The following TANC2 variants were observed in gnomAD, a reference collection of about 807,000 sequenced individuals.
TANC2 encodes tetratricopeptide repeat, ankyrin repeat and coiled-coil containing 2, also known as protein TANC2.
TANC2 carries 26 observed loss-of-function variants against 210.5 expected under a neutral mutation model. The observed-to-expected ratio is 0.12, with a 90% CI of 0.09 to 0.17. The LOEUF (loss-of-function observed/expected upper bound fraction) is 0.17. Among genes scored for constraint, TANC2 ranks in the 10% least tolerant of loss-of-function variants. The pLI, the probability that TANC2 is intolerant of heterozygous loss-of-function variation, is 1.00. For synonymous variants in TANC2, 931 were observed against 967.1 expected, an observed-to-expected ratio of 0.96 and a Z score of 0.69; for missense variants, 2,129 against 2,608.9, an observed-to-expected ratio of 0.82 and a Z score of 4.01.
At chr17:63,041,373 A>G (rs1274594759) in intron 2 of TANC2, among the ~76,000 whole-genome samples, 2 of 152,130 alleles carry the variant, frequency 1.3e-5, no homozygotes, top group Non-Finnish European at 1.5e-5. Context: ...GGAATGTTGC[A>G]GATGAAACAA....
chr17:63,405,336 C>A, intron 20 of TANC2, 81 bp downstream of exon 20: 1 of 1,414,946 alleles, frequency 7.1e-7, no homozygotes, highest in East Asian at 2.5e-5. Flanking sequence ...GCAAAATGAT[C>A]ACAAGTAAAG....
intron 2 of TANC2, among the ~76,000 whole-genome samples, chr17:63,062,949 G>A (rs1294988603): frequency 6.6e-6 from 1 of 152,132 alleles, no homozygotes; most frequent in East Asian, 1.9e-4. Context: ...AATCCCATTG[G>A]TTAAGGGCTC....
rs776732230 is a variant in TANC2 at position 63,009,655 on chromosome 17, G to A, written c.67+29G>A. 40 of 1,593,268 alleles carry A rather than the reference G, an allele frequency of 2.5e-5. No individual in the cohort carries two copies. The Admixed American group carries it at 3.2e-4, about 13-fold the overall frequency. On this transcript the variant is annotated intron_variant, in intron 2 of 27. Coordinates refer to ENST00000689528, the Ensembl canonical transcript of TANC2. The stretch of plus-strand genomic sequence containing the variant: ...AGTGACTATGCTACATTTATTGTGC[G>A]TGATATTTTACAAATACAAGTTCTT...
At chr17:63,150,833 G>A (rs930156897) in intron 4 of TANC2, 1 of 152,102 alleles carries the variant, frequency 6.6e-6, no homozygotes, top group African/African-American at 2.4e-5. Context: ...TTGAAACATA[G>A]TCCTGTGCTT....
intron 8 of TANC2, among the ~76,000 whole-genome samples, chr17:63,243,224 T>C (rs1255509808): frequency 6.6e-6 from 1 of 152,196 alleles, no homozygotes; most frequent in Non-Finnish European, 1.5e-5. Flanking sequence ...AATGCTGCAA[T>C]TGAAATTATA....
rs544569923 is a variant in TANC2, at chr17:63,000,045, CAAAG to C, written c.-23-9487_-23-9484del. Among the ~76,000 whole-genome samples the C allele has an allele frequency of 3.2e-3, 487 of 152,142 alleles. 3 individuals carry two copies. Among genetic ancestry groups the C allele is most frequent in the Non-Finnish European group, 5.7e-3 (390 of 68,010 alleles). On this transcript the variant is annotated intron_variant, in intron 1 of 27. Coordinates refer to ENST00000689528, the Ensembl canonical transcript of TANC2. ...GCTAAACACTGAGCACGCATGGACA[CAAAG>C]AAAGGAAGAACACACACCAGGGCCT...
At chr17:63,257,074 ATTT>A (rs58464562) in intron 8 of TANC2, among the ~76,000 whole-genome samples, 4 of 126,050 alleles carry the variant, frequency 3.2e-5, no homozygotes, top group Non-Finnish European at 1.8e-5. Flanking sequence ...GTTGGTTGGT[ATTT>A]TTTTTTTTTT....
At chr17:63,078,581 A>G (rs2036653309) in intron 3 of TANC2, among the ~76,000 whole-genome samples, 1 of 152,180 alleles carries the variant, frequency 6.6e-6, no homozygotes, top group Non-Finnish European at 1.5e-5. Flanking sequence ...AGTTAGTTAC[A>G]TAGATTCTGA....
chr17:63,405,338 C>G (rs2048469399), intron 20 of TANC2, 83 bp downstream of exon 20: 1 of 1,409,948 alleles, frequency 7.1e-7, no homozygotes, highest in South Asian at 1.6e-5. Flanking sequence ...AAAATGATCA[C>G]AAGTAAAGTT....
chr17:63,267,899 G>A, intron 9 of TANC2, 26 bp downstream of exon 9: 1 of 1,590,978 alleles, frequency 6.3e-7, no homozygotes, highest in Non-Finnish European at 8.6e-7. Flanking sequence ...GGGCTTTAAG[G>A]GTGCCCGGGA....
chr17:63,107,740 T>C (rs1262067189), intron 4 of TANC2, among the ~76,000 whole-genome samples: 1 of 151,690 alleles, frequency 6.6e-6, no homozygotes, highest in Non-Finnish European at 1.5e-5. Context: ...CAATTGCAGT[T>C]ATATGAAATG....
chr17:63,267,828 C>G (rs752026592), exon 9 of TANC2: 2 of 1,612,830 alleles, frequency 1.2e-6, no homozygotes, highest in African/African-American at 2.7e-5. Context: ...TCTACGAATG[C>G]CAAGACAGAG....
At chr17:63,422,188 T>A in exon 28 of TANC2, 1 of 479,856 alleles carries the variant, frequency 2.1e-6, no homozygotes, top group Non-Finnish European at 3.7e-6. Context: ...TCTCCCTCTC[T>A]TCAGATGCCA....
chr17:63,060,350 G>A (rs1345287365), intron 2 of TANC2, among the ~76,000 whole-genome samples: 1 of 152,232 alleles, frequency 6.6e-6, no homozygotes, highest in Non-Finnish European at 1.5e-5. Flanking sequence ...GCTGGGCGTG[G>A]TGGCCCACGC....
intron 7 of TANC2, among the ~76,000 whole-genome samples, chr17:63,212,850 C>G (rs1567820084): frequency 6.6e-6 from 1 of 152,218 alleles, no homozygotes; most frequent in Non-Finnish European, 1.5e-5. Flanking sequence ...TACCACCTAT[C>G]AGGACTACTT....
intron 4 of TANC2, among the ~76,000 whole-genome samples, chr17:63,135,800 T>C (rs1180733006): frequency 6.6e-6 from 1 of 152,132 alleles, no homozygotes; most frequent in Non-Finnish European, 1.5e-5. Context: ...AGCCAATATA[T>C]CCAAACTTTG....
exon 28 of TANC2, chr17:63,422,533 CAGAG>C (rs2049051991): frequency 6.6e-6 from 1 of 152,400 alleles, no homozygotes; most frequent in African/African-American, 2.4e-5. Context: ...GTAAAAGGAT[CAGAG>C]AGAGAAGAAT....
At chr17:63,344,609 A>G (rs2046341571) in intron 12 of TANC2, among the ~76,000 whole-genome samples, 1 of 152,196 alleles carries the variant, frequency 6.6e-6, no homozygotes, top group Admixed American at 6.5e-5. Context: ...TAAGGAATCT[A>G]CCCAGAAAAA....
intron 15 of TANC2, among the ~76,000 whole-genome samples, chr17:63,380,057 T>C (rs1285748054): frequency 6.6e-6 from 1 of 152,200 alleles, no homozygotes; most frequent in Non-Finnish European, 1.5e-5. Flanking sequence ...GTATAATCAT[T>C]GACAAGGTGC....
Sources: allele counts gnomAD v4.1 joint callset (sites outside exome capture counted in the v4.1 genomes callset), GRCh38; gene constraint gnomAD v4.1.1; transcripts MANE v1.5; gene names NCBI Gene and HGNC (gene_info 2026-07-23, HGNC 2026-07-21).